MID1: variants seen among roughly 807,000 people sequenced by gnomAD.
The protein encoded by MID1 is E3 ubiquitin-protein ligase Midline-1.
In MID1, 7 loss-of-function variants were observed where a neutral mutation model predicts 40.4. That is an observed-to-expected ratio of 0.17 (90% confidence interval 0.10 to 0.33). The LOEUF (loss-of-function observed/expected upper bound fraction) is 0.33. Ranked by LOEUF, MID1 falls within the 10% of genes least tolerant of loss-of-function variation. The pLI is 1.00. For synonymous variants in MID1, 229 were observed against 221.2 expected (o/e 1.04, Z -0.31); for missense variants, 367 against 558.5 (o/e 0.66, Z 3.46).
At chrX:10,742,066 AGCCCCTCCCTC>A (rs1344145342) in intron 1 of MID1, among the ~76,000 whole-genome samples, 1 of 110,778 alleles carries the variant, frequency 9.0e-6, no homozygotes, top group Non-Finnish European at 1.9e-5. Context: ...TTGCTACCAC[AGCCCCTCCCTC>A]GCCCCACCTC....
intron 1 of MID1, among the ~76,000 whole-genome samples, chrX:10,826,399 C>T (rs1217607455): frequency 8.9e-6 from 1 of 112,214 alleles, no homozygotes; most frequent in Non-Finnish European, 1.9e-5. Context: ...CTCCAATCTG[C>T]TCTACTATTT....
At chrX:10,688,388 A>T (rs1420793960) in intron 1 of MID1, among the ~76,000 whole-genome samples, 4 of 111,393 alleles carry the variant, frequency 3.6e-5, no homozygotes, top group African/African-American at 1.3e-4. Flanking sequence ...TCTTTCTGAC[A>T]AATATTTTCC....
chrX:10,500,124 A>G (rs1422286941), intron 3 of MID1, among the ~76,000 whole-genome samples: 1 of 112,300 alleles, frequency 8.9e-6, no homozygotes, highest in Non-Finnish European at 1.9e-5. Flanking sequence ...CACTCTCACA[A>G]TCATTGGGAG....
intron 2 of MID1, among the ~76,000 whole-genome samples, chrX:10,529,424 C>T (rs1169996910): frequency 8.9e-6 from 1 of 112,265 alleles, no homozygotes; most frequent in African/African-American, 3.2e-5. Context: ...CCCATCTGGA[C>T]TGCGGGTCCC....
At position 10,706,728 on chromosome X, in the gene MID1, A is replaced by G. The variant is rs1476316475; in HGVS notation, c.-186-86309T>C. On this transcript the variant is annotated intron_variant, in intron 1 of 10. Coordinates refer to the MID1 transcript ENST00000380785. The stretch of plus-strand genomic sequence containing the variant: ...AGCAGCATAAGAATGGACTATTACA[A>G]TAGTCATATACCATAATGTAGAGTC... 2.7e-5 allele frequency among the ~76,000 whole-genome samples: 3 copies of G among 111,512 alleles called. No homozygotes were observed. In the Admixed American group the frequency reaches 2.9e-4, roughly 11 times the overall value.
rs773613255 is a variant in MID1, at chrX:10,566,532, CCTCTCT to C, written c.660+350_660+355del. 4.0e-4 allele frequency among the ~76,000 whole-genome samples: 21 copies of C among 52,863 alleles called. No homozygotes were observed. The East Asian group carries it at 4.2e-3, about 11-fold the overall frequency. 45.9% of individuals were successfully genotyped at this position (52,863 alleles called of 115,157 possible). ...CTCTCCCTCTCTCTCCCTCTCTCTC[CCTCTCT>C]CTCTCTCTCTCTCTCTCTCTCTCCC... On this transcript the variant is annotated intron_variant, in intron 2 of 9. Coordinates refer to ENST00000317552, the MANE Select transcript of MID1 (RefSeq NM_000381.4).
At chrX:10,828,836 A>G (rs892497393) in intron 1 of MID1, among the ~76,000 whole-genome samples, 6 of 112,638 alleles carry the variant, frequency 5.3e-5, no homozygotes, top group African/African-American at 1.9e-4. Flanking sequence ...AGATCCAGCC[A>G]ATATTTACTG....
At chrX:10,640,261 C>A (rs1936174469) in intron 1 of MID1, among the ~76,000 whole-genome samples, 1 of 111,537 alleles carries the variant, frequency 9.0e-6, no homozygotes, top group East Asian at 2.8e-4. Context: ...GTGCTGTATT[C>A]AGGAGACCCA....
At chrX:10,669,802 T>C (rs766120260) in intron 1 of MID1, among the ~76,000 whole-genome samples, 1 of 112,295 alleles carries the variant, frequency 8.9e-6, no homozygotes, top group Non-Finnish European at 1.9e-5. Context: ...TCTCTATCTT[T>C]AAGGCAAGCT....
chrX:10,726,167 C>G (rs1440629662), intron 1 of MID1, among the ~76,000 whole-genome samples: 2 of 112,024 alleles, frequency 1.8e-5, no homozygotes, highest in Non-Finnish European at 1.9e-5. Flanking sequence ...AGATTTCTCA[C>G]TGGATATTTA....
At position 10,748,742 on chromosome X, in the gene MID1, C is replaced by A. The variant is rs148353305; in HGVS notation, c.-187+84812G>T. On this transcript the variant is annotated intron_variant, in intron 1 of 10. Transcript: ENST00000380785. ...TCATCCCAAAGAAGAATAACTTAAT[C>A]TACTGTGTGCAGTAGATAATGGGTT... 6.0e-3 allele frequency among the ~76,000 whole-genome samples: 671 copies of A among 111,846 alleles called. 5 individuals carry two copies. Among genetic ancestry groups the A allele is most frequent in the African/African-American group, 0.02 (625 of 30,741 alleles).
At chrX:10,474,466 A>C (rs1946179624) in intron 6 of MID1, among the ~76,000 whole-genome samples, 157 bp downstream of exon 6, 2 of 112,123 alleles carry the variant, frequency 1.8e-5, no homozygotes, top group African/African-American at 6.5e-5. Flanking sequence ...TTGATGAAAA[A>C]ACAAAGGGCA....
chrX:10,819,500 CCCTAATT>C (rs2044161106), intron 1 of MID1, among the ~76,000 whole-genome samples: 1 of 111,341 alleles, frequency 9.0e-6, no homozygotes, highest in Non-Finnish European at 1.9e-5. Flanking sequence ...CCTCACCTCC[CCCTAATT>C]GTTTCCCTTT....
intron 1 of MID1, among the ~76,000 whole-genome samples, chrX:10,758,019 G>A (rs2043644500): frequency 9.1e-6 from 1 of 110,349 alleles, no homozygotes; most frequent in African/African-American, 3.3e-5. Flanking sequence ...AGGCTGGAGT[G>A]CAGTGGCATG....
chrX:10,554,835 G>C (rs1207458624), intron 2 of MID1, among the ~76,000 whole-genome samples: 1 of 111,586 alleles, frequency 9.0e-6, no homozygotes, highest in African/African-American at 3.3e-5. Flanking sequence ...TCTTGGCTTT[G>C]AATCTGACCA....
chrX:10,800,071 T>C (rs2043995737), intron 1 of MID1, among the ~76,000 whole-genome samples: 2 of 111,358 alleles, frequency 1.8e-5, no homozygotes, highest in Admixed American at 1.9e-4. Flanking sequence ...ATTCACAACT[T>C]GGTATTTCCC....
intron 1 of MID1, among the ~76,000 whole-genome samples, chrX:10,718,540 T>G (rs1217477471): frequency 9.0e-6 from 1 of 111,420 alleles, no homozygotes; most frequent in Non-Finnish European, 1.9e-5. Flanking sequence ...GGATCTGAAA[T>G]TGAGGCAATA....
At chrX:10,637,514 A>C (rs1311595701) in intron 1 of MID1, among the ~76,000 whole-genome samples, 2 of 108,868 alleles carry the variant, frequency 1.8e-5, no homozygotes, top group African/African-American at 6.7e-5. Flanking sequence ...AATCCCAGCT[A>C]CTCAGGAAGC....
At chrX:10,792,727 GC>G (rs1455474313) in intron 1 of MID1, among the ~76,000 whole-genome samples, 1 of 111,561 alleles carries the variant, frequency 9.0e-6, no homozygotes, top group Non-Finnish European at 1.9e-5. Context: ...GTTGCCAGGG[GC>G]TAGGGACGGG....
Sources: allele counts gnomAD v4.1 joint callset (sites outside exome capture counted in the v4.1 genomes callset), GRCh38; gene constraint gnomAD v4.1.1; transcripts MANE v1.5; gene names NCBI Gene and HGNC (gene_info 2026-07-23, HGNC 2026-07-21).